Variants in THSD4 observed in about 807,000 individuals in gnomAD.
THSD4 encodes the protein thrombospondin type 1 domain containing 4.
THSD4 carries 69 observed loss-of-function variants against 119.0 expected under a neutral mutation model. The ratio of observed to expected loss-of-function variants is 0.58; its 90% CI spans 0.48 to 0.71. The LOEUF is 0.71. THSD4 is among the 30% of genes least tolerant of loss of function. The pLI is 0.00. For synonymous variants in THSD4, 524 were observed against 540.4 expected (o/e 0.97, Z 0.42); for missense variants, 1,393 against 1,391.1 (o/e 1.00, Z -0.02).
intron 1 of THSD4, among the ~76,000 whole-genome samples, chr15:71,121,412 T>C (rs983232723): frequency 1.3e-5 from 2 of 152,064 alleles, no homozygotes; most frequent in South Asian, 4.2e-4. Context: ...CTGCATCTCC[T>C]TTGGGAAGCA....
intron 7 of THSD4, among the ~76,000 whole-genome samples, chr15:71,514,078 G>A (rs564939311): frequency 2.4e-4 from 37 of 152,340 alleles, no homozygotes; most frequent in African/African-American, 8.4e-4. Context: ...GTAAATGGGT[G>A]AGCCAGTGCT....
At chr15:71,534,014 G>T (rs1387684498) in intron 7 of THSD4, among the ~76,000 whole-genome samples, 1 of 152,182 alleles carries the variant, frequency 6.6e-6, no homozygotes. Flanking sequence ...CAGAGACAGG[G>T]TCTTGGTCTG....
At chr15:71,709,422 G>T (rs958326284) in intron 8 of THSD4, among the ~76,000 whole-genome samples, 2 of 152,180 alleles carry the variant, frequency 1.3e-5, no homozygotes, top group African/African-American at 4.8e-5. Flanking sequence ...TGCAGCAATT[G>T]AAGTGGACTG....
intron 7 of THSD4, among the ~76,000 whole-genome samples, chr15:71,419,168 G>A (rs1277764906): frequency 9.9e-6 from 1 of 101,080 alleles, no homozygotes; most frequent in Non-Finnish European, 2.1e-5. Context: ...ATTTATTTCT[G>A]CTCTGATCTT....
chr15:71,575,215 A>T (rs2049427884), intron 7 of THSD4, among the ~76,000 whole-genome samples: 1 of 152,066 alleles, frequency 6.6e-6, no homozygotes, highest in South Asian at 2.1e-4. Context: ...AAGCCAATGG[A>T]TTTCTCTCTT....
intron 3 of THSD4, among the ~76,000 whole-genome samples, chr15:71,213,523 C>A (rs957039874): frequency 1.3e-5 from 2 of 152,254 alleles, no homozygotes; most frequent in African/African-American, 4.8e-5. Flanking sequence ...TAGAGCTCAT[C>A]TGCTGCTGGG....
intron 3 of THSD4, among the ~76,000 whole-genome samples, chr15:71,175,829 T>C (rs1317501114): frequency 3.5e-5 from 1 of 28,180 alleles, no homozygotes; most frequent in African/African-American, 1.4e-4. Context: ...TGGGGGCCAA[T>C]ATTCAACATT....
At chr15:71,448,062 C>T (rs533893507) in intron 7 of THSD4, among the ~76,000 whole-genome samples, 3 of 152,286 alleles carry the variant, frequency 2.0e-5, no homozygotes, top group Admixed American at 6.5e-5. Flanking sequence ...TCTGGTTTTA[C>T]GGGACAATGC....
chr15:71,659,303 A>G (rs148095679), intron 7 of THSD4, among the ~76,000 whole-genome samples: 1 of 152,240 alleles, frequency 6.6e-6, no homozygotes, highest in Non-Finnish European at 1.5e-5. Context: ...TTTGTTCAGA[A>G]CATGAGTCCC....
intron 6 of THSD4, among the ~76,000 whole-genome samples, chr15:71,377,266 TAA>T (rs752284579): frequency 2.0e-5 from 3 of 152,258 alleles, no homozygotes; most frequent in Non-Finnish European, 4.4e-5. Flanking sequence ...AAATTAACAC[TAA>T]ATGAGTTTGA....
At chr15:71,191,927 G>C in intron 3 of THSD4, among the ~76,000 whole-genome samples, 1 of 147,114 alleles carries the variant, frequency 6.8e-6, no homozygotes. Flanking sequence ...TTTTGAGATG[G>C]AATCTCACTC....
chr15:71,493,791 A>C (rs1041795750), intron 7 of THSD4, among the ~76,000 whole-genome samples: 2 of 152,240 alleles, frequency 1.3e-5, no homozygotes, highest in Non-Finnish European at 2.9e-5. Flanking sequence ...CGGTCTGTCA[A>C]ATCAGCCACG....
intron 7 of THSD4, among the ~76,000 whole-genome samples, chr15:71,568,197 T>C (rs549425943): frequency 1.3e-5 from 2 of 152,174 alleles, no homozygotes; most frequent in African/African-American, 4.8e-5. Context: ...CTCCCTGGTC[T>C]TCACATGAAG....
At chr15:71,236,017 T>C (rs2140268678) in intron 4 of THSD4, among the ~76,000 whole-genome samples, 1 of 152,274 alleles carries the variant, frequency 6.6e-6, no homozygotes, top group Non-Finnish European at 1.5e-5. Context: ...TCCACTTTAC[T>C]GTGGGGTTCT....
intron 7 of THSD4, among the ~76,000 whole-genome samples, chr15:71,644,532 T>A (rs1361899224): frequency 6.6e-6 from 1 of 152,088 alleles, no homozygotes; most frequent in Admixed American, 6.6e-5. Context: ...CAAAAAAAAA[T>A]TCAAATTTGA....
chr15:71,729,173 G>C (rs1595896125), intron 9 of THSD4: 1 of 169,184 alleles, frequency 5.9e-6, no homozygotes, highest in South Asian at 1.5e-4. Context: ...ATGAAGAAAG[G>C]AGAGCTCCAG....
At chr15:71,146,165 C>T (rs2040658875) in intron 2 of THSD4, among the ~76,000 whole-genome samples, 1 of 152,164 alleles carries the variant, frequency 6.6e-6, no homozygotes, top group Non-Finnish European at 1.5e-5. Context: ...CACACACACA[C>T]CTTCAACAGT....
chr15:71,406,252 T>C (rs1429020712), intron 6 of THSD4, among the ~76,000 whole-genome samples: 1 of 152,254 alleles, frequency 6.6e-6, no homozygotes, highest in Non-Finnish European at 1.5e-5. Flanking sequence ...TTTTAAAATT[T>C]ATTAAAGTTT....
At chr15:71,402,597 C>T (rs541830384) in intron 6 of THSD4, among the ~76,000 whole-genome samples, 13 of 152,280 alleles carry the variant, frequency 8.5e-5, no homozygotes, top group Admixed American at 6.5e-4. Flanking sequence ...AGGGAGAGCC[C>T]TGAAGAGTTA....
Sources: gnomAD v4.1 joint callset for allele counts (sites outside exome capture counted in the v4.1 genomes callset) on GRCh38, gnomAD v4.1.1 for gene constraint, MANE v1.5 for transcripts, NCBI Gene and HGNC (gene_info 2026-07-23, HGNC 2026-07-21) for gene names.